PID1: variants seen among roughly 807,000 people sequenced by gnomAD.
PID1 encodes phosphotyrosine interaction domain containing 1, also known as PTB-containing, cubilin and LRP1-interacting protein.
In PID1, 10 loss-of-function variants were observed where a neutral mutation model predicts 19.1. That is an observed-to-expected ratio of 0.52 (90% confidence interval 0.32 to 0.89). The LOEUF is 0.89. PID1 is among the 40% of genes least tolerant of loss of function. The pLI is 0.03. For synonymous variants in PID1, 130 were observed against 116.0 expected, an observed-to-expected ratio of 1.12 and a Z score of -0.78; for missense variants, 248 against 285.3, an observed-to-expected ratio of 0.87 and a Z score of 0.94.
intron 2 of PID1, among the ~76,000 whole-genome samples, chr2:229,027,075 A>C (rs1299955696): frequency 6.6e-6 from 1 of 152,190 alleles, no homozygotes; most frequent in Non-Finnish European, 1.5e-5. Flanking sequence ...AATACTACGA[A>C]TGCGAGGAGA....
In PID1 at chr2:229,204,975, C is replaced by T. The variant is rs967542358; in HGVS notation, c.31-49011G>A. Among the ~76,000 whole-genome samples, 3 of 152,072 alleles carry T rather than the reference C, an allele frequency of 2.0e-5. No individual in the cohort carries two copies. The East Asian group carries it at 5.8e-4, about 29-fold the overall frequency. On this transcript the variant is annotated intron_variant, in intron 1 of 2. Coordinates refer to ENST00000392055, the MANE Select transcript of PID1 (RefSeq NM_001100818.2). ...GACTTTGGTATTTACGTTATTAAGACCTTTTGGATGAAATTCAAGAAAAAC... is the reference window on the plus strand; with the variant it reads ...GACTTTGGTATTTACGTTATTAAGATCTTTTGGATGAAATTCAAGAAAAAC...
intron 1 of PID1, among the ~76,000 whole-genome samples, chr2:229,196,236 T>C (rs1486836892): frequency 6.6e-6 from 1 of 152,062 alleles, no homozygotes; most frequent in Admixed American, 6.6e-5. Flanking sequence ...TTATATTCTA[T>C]TTTATACTCA....
intron 1 of PID1, among the ~76,000 whole-genome samples, chr2:229,234,495 TC>T (rs1425591824): frequency 6.6e-6 from 1 of 152,134 alleles, no homozygotes; most frequent in African/African-American, 2.4e-5. Context: ...AACAGCATCT[TC>T]CCTAGGCCTC....
chr2:229,202,852 T>G (rs1021895749), intron 1 of PID1, among the ~76,000 whole-genome samples: 13 of 152,130 alleles, frequency 8.5e-5, no homozygotes, highest in African/African-American at 3.1e-4. Flanking sequence ...GAATAACAGA[T>G]ATATGGTTAC....
chr2:229,198,521 C>T (rs1691426051), intron 1 of PID1, among the ~76,000 whole-genome samples: 1 of 152,042 alleles, frequency 6.6e-6, no homozygotes, highest in Non-Finnish European at 1.5e-5. Context: ...ATGTCTTTAA[C>T]TAGATACCTG....
chr2:229,026,376 C>T (rs1165543533), intron 2 of PID1, among the ~76,000 whole-genome samples: 2 of 152,134 alleles, frequency 1.3e-5, no homozygotes, highest in East Asian at 3.9e-4. Flanking sequence ...CTCCTTACTC[C>T]TTTTTTAAAC....
At chr2:229,240,003 A>T (rs1161612318) in intron 1 of PID1, among the ~76,000 whole-genome samples, 1 of 152,178 alleles carries the variant, frequency 6.6e-6, no homozygotes, top group Non-Finnish European at 1.5e-5. Flanking sequence ...TAGTCCAACA[A>T]GGCAAGACTG....
At chr2:229,213,277 G>GC (rs747895510) in intron 1 of PID1, among the ~76,000 whole-genome samples, 64 of 152,048 alleles carry the variant, frequency 4.2e-4, no homozygotes, top group Non-Finnish European at 8.4e-4. Flanking sequence ...ACAGAGGACA[G>GC]CCCACCCCCT....
At chr2:229,049,089 GTA>G (rs1325598954) in intron 2 of PID1, among the ~76,000 whole-genome samples, 1 of 152,082 alleles carries the variant, frequency 6.6e-6, no homozygotes, top group Non-Finnish European at 1.5e-5. Flanking sequence ...AGATTTTGAT[GTA>G]TATATTAAAT....
intron 2 of PID1, among the ~76,000 whole-genome samples, chr2:229,102,834 C>T (rs1217728731): frequency 6.6e-6 from 1 of 152,198 alleles, no homozygotes; most frequent in African/African-American, 2.4e-5. Context: ...TGATTTCCAC[C>T]TGCCATGCGG....
At chr2:229,079,978 G>A (rs1694638192) in intron 2 of PID1, among the ~76,000 whole-genome samples, 1 of 152,118 alleles carries the variant, frequency 6.6e-6, no homozygotes, top group Non-Finnish European at 1.5e-5. Context: ...GAGCTTGCCT[G>A]GGACTCTGCC....
At chr2:229,065,570 T>C (rs546518100) in intron 2 of PID1, among the ~76,000 whole-genome samples, 1 of 152,114 alleles carries the variant, frequency 6.6e-6, no homozygotes, top group South Asian at 2.1e-4. Flanking sequence ...GACACACACA[T>C]GCACATCAAT....
chr2:229,189,493 A>C (rs1452625653), intron 1 of PID1, among the ~76,000 whole-genome samples: 2 of 152,182 alleles, frequency 1.3e-5, no homozygotes, highest in African/African-American at 4.8e-5. Flanking sequence ...ACAGGAGTTC[A>C]AGACCAGCCT....
In PID1 at chr2:229,271,003, G is replaced by A. The variant is rs1329224151; in HGVS notation, c.30+11C>T. On this transcript the variant is annotated intron_variant, in intron 1 of 2. Transcript: ENST00000392055. ...CTCCAGGCTGGCCCCCGGCTCCCGG[G>A]TGCCCCTTACCTGCAGGCGCTCCGT... is the stretch of plus-strand genomic sequence containing the variant. The A allele has an allele frequency of 6.5e-7, 1 of 1,540,110 alleles. No homozygotes were observed. The highest frequency in any genetic ancestry group is 1.2e-5 in the South Asian group (1 of 83,200).
chr2:229,048,077 C>T (rs1693919284), intron 2 of PID1, among the ~76,000 whole-genome samples: 2 of 152,188 alleles, frequency 1.3e-5, no homozygotes, highest in South Asian at 4.1e-4. Context: ...TTTCTTGATA[C>T]ATTCTACTCA....
intron 1 of PID1, among the ~76,000 whole-genome samples, chr2:229,186,424 C>T (rs1178037936): frequency 6.6e-6 from 1 of 152,186 alleles, no homozygotes; most frequent in African/African-American, 2.4e-5. Flanking sequence ...CTCTGCACTG[C>T]CCTAGCAGAG....
At chr2:229,176,280 T>C (rs750479881) in intron 1 of PID1, among the ~76,000 whole-genome samples, 2 of 152,218 alleles carry the variant, frequency 1.3e-5, no homozygotes, top group Admixed American at 1.3e-4. Flanking sequence ...TAAGTCCACA[T>C]GCAAGCCTCC....
intron 1 of PID1, among the ~76,000 whole-genome samples, chr2:229,191,737 A>T (rs557814540): frequency 1.6e-4 from 25 of 152,364 alleles, no homozygotes; most frequent in Admixed American, 1.2e-3. Context: ...AGATTTTTTT[A>T]AAAATTGGTT....
chr2:229,256,759 T>C (rs1690310004), intron 1 of PID1, among the ~76,000 whole-genome samples: 1 of 152,214 alleles, frequency 6.6e-6, no homozygotes, highest in African/African-American at 2.4e-5. Flanking sequence ...GGGAAGATAT[T>C]AGTATTTATC....
Sources: gnomAD v4.1 joint callset for allele counts (sites outside exome capture counted in the v4.1 genomes callset) on GRCh38, gnomAD v4.1.1 for gene constraint, MANE v1.5 for transcripts, NCBI Gene and HGNC (gene_info 2026-07-23, HGNC 2026-07-21) for gene names.